MSRA: variants seen among roughly 807,000 people sequenced by gnomAD.
The protein encoded by MSRA is methionine sulfoxide reductase A.
In MSRA, 54 loss-of-function variants were observed where a neutral mutation model predicts 31.3. The ratio of observed to expected loss-of-function variants is 1.73; its 90% CI spans 1.39 to 2.17. The LOEUF is 2.17. MSRA is among the 30% of genes most tolerant of loss of function. The pLI, the probability that MSRA is intolerant of heterozygous loss-of-function variation, is 0.00. For synonymous variants in MSRA, 169 were observed against 116.5 expected, an observed-to-expected ratio of 1.45 and a Z score of -2.90; for missense variants, 507 against 300.9, an observed-to-expected ratio of 1.69 and a Z score of -5.07.
chr8:10,421,743 A>T (rs1011340282), intron 5 of MSRA, among the ~76,000 whole-genome samples: 1 of 152,056 alleles, frequency 6.6e-6, no homozygotes, highest in African/African-American at 2.4e-5. Flanking sequence ...TGGTGTTCCT[A>T]TGAGTCGCTG....
At chr8:10,088,407 C>T (rs918829209) in intron 1 of MSRA, among the ~76,000 whole-genome samples, 1 of 152,166 alleles carries the variant, frequency 6.6e-6, no homozygotes, top group African/African-American at 2.4e-5. Flanking sequence ...GCATTATTGA[C>T]AATAGCTAAG....
intron 4 of MSRA, among the ~76,000 whole-genome samples, chr8:10,310,014 A>G (rs1801350627): frequency 6.6e-6 from 1 of 152,260 alleles, no homozygotes; most frequent in Admixed American, 6.5e-5. Flanking sequence ...TCAACTTGGC[A>G]ATAAAATACT....
At chr8:10,104,426 C>T (rs568517633) in intron 1 of MSRA, among the ~76,000 whole-genome samples, 20 of 152,142 alleles carry the variant, frequency 1.3e-4, no homozygotes, top group African/African-American at 3.6e-4. Context: ...TTTAGGGAGA[C>T]GTAAAACACA....
At chr8:10,165,337 CT>C (rs1224244659) in intron 1 of MSRA, among the ~76,000 whole-genome samples, 1 of 151,464 alleles carries the variant, frequency 6.6e-6, no homozygotes, top group African/African-American at 2.4e-5. Context: ...TGCTTCTATT[CT>C]TTTTTTAAAA....
At chr8:10,186,071 C>G (rs191584611) in intron 1 of MSRA, among the ~76,000 whole-genome samples, 1 of 152,272 alleles carries the variant, frequency 6.6e-6, no homozygotes, top group East Asian at 1.9e-4. Context: ...GTGCCTCTTA[C>G]TGATCCTTAC....
chr8:10,336,183 T>C (rs1803030892), intron 5 of MSRA, among the ~76,000 whole-genome samples: 1 of 152,204 alleles, frequency 6.6e-6, no homozygotes, highest in Non-Finnish European at 1.5e-5. Context: ...TTTTTTGTGG[T>C]TCCTTCTGCT....
chr8:10,067,797 G>T (rs1359416193), intron 1 of MSRA, among the ~76,000 whole-genome samples: 1 of 148,134 alleles, frequency 6.8e-6, no homozygotes. Context: ...GAGCTTATTT[G>T]CCATATTATG....
chr8:10,224,091 G>A (rs1810769973), intron 2 of MSRA, among the ~76,000 whole-genome samples: 2 of 152,164 alleles, frequency 1.3e-5, no homozygotes, highest in Non-Finnish European at 2.9e-5. Flanking sequence ...GGTCTAAATG[G>A]TGTAGAATAT....
chr8:10,412,299 G>T (rs898221861), intron 5 of MSRA, among the ~76,000 whole-genome samples: 1 of 152,164 alleles, frequency 6.6e-6, no homozygotes, highest in Admixed American at 6.5e-5. Context: ...TAAATTAAAA[G>T]TTCCTCAATT....
chr8:10,320,589 ACTCT>A (rs1250907545), intron 5 of MSRA, among the ~76,000 whole-genome samples: 1 of 151,280 alleles, frequency 6.6e-6, no homozygotes, highest in Non-Finnish European at 1.5e-5. Context: ...TCTGTCTGAA[ACTCT>A]CTCTTTTTTT....
chr8:10,173,032 G>T (rs1055925575), intron 1 of MSRA, among the ~76,000 whole-genome samples: 1 of 152,228 alleles, frequency 6.6e-6, no homozygotes, highest in African/African-American at 2.4e-5. Context: ...TAGGTGGAGA[G>T]AAAGAGAAAG....
chr8:10,105,007 C>T lies in MSRA; in HGVS notation c.142+50349C>T, dbSNP rs150616371. Among the ~76,000 whole-genome samples the T allele has an allele frequency of 3.6e-3, 552 of 152,228 alleles. 5 individuals carry two copies. The highest frequency in any genetic ancestry group is 0.012 in the African/African-American group (518 of 41,530). On this transcript the variant is annotated intron_variant, in intron 1 of 5. Coordinates refer to ENST00000317173, the MANE Select transcript of MSRA (RefSeq NM_012331.5). ...ATGGGCAAGGAATATTTTGCTGTTA[C>T]GTTTATTGGTATAGCTGATTACTTA...
intron 2 of MSRA, among the ~76,000 whole-genome samples, chr8:10,220,981 TTGGC>T (rs1440193569): frequency 6.6e-6 from 1 of 152,232 alleles, no homozygotes; most frequent in Non-Finnish European, 1.5e-5. Flanking sequence ...TTCCTTGCTC[TTGGC>T]TGAATAACTT....
chr8:10,335,049 A>C (rs1257299857), intron 5 of MSRA, among the ~76,000 whole-genome samples: 1 of 152,178 alleles, frequency 6.6e-6, no homozygotes, highest in Non-Finnish European at 1.5e-5. Flanking sequence ...GTGCAGGTAG[A>C]GGCCTGGGCA....
intron 1 of MSRA, among the ~76,000 whole-genome samples, chr8:10,109,124 C>T (rs898836128): frequency 6.6e-5 from 10 of 152,140 alleles, no homozygotes; most frequent in South Asian, 6.2e-4. Flanking sequence ...AATTGTTGAG[C>T]ATAGCAAAAC....
At chr8:10,192,069 C>T (rs562604917) in intron 1 of MSRA, among the ~76,000 whole-genome samples, 1 of 152,132 alleles carries the variant, frequency 6.6e-6, no homozygotes, top group African/African-American at 2.4e-5. Flanking sequence ...TGGGCCTCTT[C>T]ATAGGGCTGC....
At chr8:10,195,360 C>G (rs907736432) in intron 1 of MSRA, among the ~76,000 whole-genome samples, 10 of 152,322 alleles carry the variant, frequency 6.6e-5, no homozygotes, top group African/African-American at 2.4e-4. Context: ...TCTGCCTCAG[C>G]CTTCTGAGTA....
At chr8:10,062,430 C>T (rs1015447911) in intron 1 of MSRA, among the ~76,000 whole-genome samples, 3 of 152,182 alleles carry the variant, frequency 2.0e-5, no homozygotes, top group African/African-American at 7.2e-5. Flanking sequence ...TCACAATATT[C>T]ATCGATATGT....
intron 5 of MSRA, among the ~76,000 whole-genome samples, chr8:10,417,437 C>CACACAG (rs1333819291): frequency 6.6e-6 from 1 of 151,546 alleles, no homozygotes; most frequent in Non-Finnish European, 1.5e-5. Flanking sequence ...CACACACACA[C>CACACAG]ACACACACAT....
Sources: allele counts gnomAD v4.1 joint callset (sites outside exome capture counted in the v4.1 genomes callset), GRCh38; gene constraint gnomAD v4.1.1; transcripts MANE v1.5; gene names NCBI Gene and HGNC (gene_info 2026-07-23, HGNC 2026-07-21).